Variants in MDM4 observed in about 807,000 individuals in gnomAD.
MDM4 encodes the protein MDM4 regulator of p53, also known as protein Mdm4.
MDM4 carries 2 observed loss-of-function variants against 60.2 expected under a neutral mutation model. The observed-to-expected ratio is 0.03, with a 90% CI of 0.01 to 0.10. The LOEUF is 0.10. Ranked by LOEUF, MDM4 falls within the 10% of genes least tolerant of loss-of-function variation. The pLI is 1.00. For missense variants in MDM4, 447 were observed against 577.5 expected (o/e 0.77, Z 2.32); for synonymous variants, 202 against 198.1 (o/e 1.02, Z -0.17).
In MDM4 at chr1:204,557,918, A is replaced by C. The variant is rs1474301278; in HGVS notation, c.*8236A>C. 2.1e-5 allele frequency: 3 copies of C among 140,398 alleles called. No individual in the cohort carries two copies. Among genetic ancestry groups the C allele is most frequent in the African/African-American group, 1.0e-4 (3 of 28,964 alleles). 8.7% of individuals were successfully genotyped at this position (140,398 alleles called of 1,614,324 possible). On this transcript the variant is annotated 3_prime_UTR_variant, in exon 11 of 11. Transcript: ENST00000367182. ...TCAGTCTTTCGCTAATAATAATAAT[A>C]ATAATAATAATAACAACAACTTATT...
rs2102455854 is a variant in MDM4, at chr1:204,549,294, G to A, written c.1085G>A (p.Cys362Tyr). ...AATGAAGGAAATGATGTCCCTGATT[G>A]TCGAAGAACCATTTCGGCTCCTGTC... ...KENEGNDVPD[C>Y]RRTISAPVVR... is the part of the protein sequence containing the mutation. The change falls in exon 11 of 11, where the codon TGT (cysteine) becomes TAT (tyrosine). Residue 362 changes from cysteine to tyrosine, a missense_variant. Around this residue, in one of 8 missense-constraint regions of MDM4, gnomAD observed 117 missense variants for 114.5 expected, o/e 1.02. Transcript: ENST00000367182. 1 of 1,614,172 alleles carries A rather than the reference G, an allele frequency of 6.2e-7. No homozygotes were observed. Among genetic ancestry groups the A allele is most frequent in the African/African-American group, 1.3e-5 (1 of 75,032 alleles).
chr1:204,534,564 T>C (rs1314087932), intron 5 of MDM4, among the ~76,000 whole-genome samples: 3 of 152,176 alleles, frequency 2.0e-5, no homozygotes, highest in African/African-American at 7.2e-5. Context: ...CTCGGCTCAC[T>C]GCAACCTCCG....
chr1:204,539,304 A>C (rs1375180160), intron 7 of MDM4, among the ~76,000 whole-genome samples: 1 of 151,958 alleles, frequency 6.6e-6, no homozygotes, highest in Non-Finnish European at 1.5e-5. Context: ...ACACATTTTG[A>C]AGTTTGCAAA....
intron 5 of MDM4, among the ~76,000 whole-genome samples, chr1:204,533,782 CT>C (rs59912938): frequency 1.1e-3 from 159 of 139,164 alleles, no homozygotes; most frequent in Non-Finnish European, 1.2e-3. Flanking sequence ...TTTTCTTTTT[CT>C]TTTTTTTTTT....
At chr1:204,548,101 TC>T (rs1392541457) in intron 10 of MDM4, among the ~76,000 whole-genome samples, 1 of 152,250 alleles carries the variant, frequency 6.6e-6, no homozygotes. Context: ...TTTCATCATA[TC>T]AAAGATGCCA....
intron 3 of MDM4, among the ~76,000 whole-genome samples, chr1:204,528,558 G>A (rs1250349752): frequency 6.6e-6 from 1 of 152,218 alleles, no homozygotes; most frequent in African/African-American, 2.4e-5. Flanking sequence ...AGAATCTCCT[G>A]CGTCTGGTGC....
chr1:204,547,131 C>G (rs1168122909), intron 10 of MDM4, among the ~76,000 whole-genome samples: 3 of 152,140 alleles, frequency 2.0e-5, no homozygotes, highest in African/African-American at 7.2e-5. Flanking sequence ...TGCCTTTCTC[C>G]CTGCCATCAA....
chr1:204,527,488 T>C (rs1029392285), intron 3 of MDM4, among the ~76,000 whole-genome samples: 1 of 152,082 alleles, frequency 6.6e-6, no homozygotes, highest in African/African-American at 2.4e-5. Context: ...ACCCCATCTC[T>C]ACTAAAAATA....
intron 3 of MDM4, among the ~76,000 whole-genome samples, chr1:204,528,089 TTTTA>T (rs1205490357): frequency 1.3e-5 from 2 of 151,890 alleles, no homozygotes; most frequent in Non-Finnish European, 2.9e-5. Flanking sequence ...TTTTTTTTTT[TTTTA>T]GTTTTATCCT....
chr1:204,540,318 C>T (rs1377331356), intron 7 of MDM4, among the ~76,000 whole-genome samples: 1 of 151,550 alleles, frequency 6.6e-6, no homozygotes, highest in Non-Finnish European at 1.5e-5. Flanking sequence ...TGGGTCCCAT[C>T]CCCAGGATAT....
At chr1:204,535,385 C>T (rs1355472116) in intron 5 of MDM4, among the ~76,000 whole-genome samples, 1 of 151,926 alleles carries the variant, frequency 6.6e-6, no homozygotes, top group African/African-American at 2.4e-5. Flanking sequence ...TCTCGATCTC[C>T]TGACCTCGTG....
chr1:204,525,671 A>T (rs984874844), intron 2 of MDM4, 75 bp downstream of exon 2: 2 of 989,326 alleles, frequency 2.0e-6, no homozygotes. Flanking sequence ...CTGTCTCATG[A>T]CTGTAATCCC....
At chr1:204,535,789 C>A (rs1230799519) in intron 5 of MDM4, among the ~76,000 whole-genome samples, 1 of 151,868 alleles carries the variant, frequency 6.6e-6, no homozygotes, top group Non-Finnish European at 1.5e-5. Context: ...GATCCACACA[C>A]CTCGACCTCC....
At chr1:204,518,544 G>A (rs1323868060) in intron 1 of MDM4, among the ~76,000 whole-genome samples, 1 of 152,168 alleles carries the variant, frequency 6.6e-6, no homozygotes. Context: ...ATACTTAATA[G>A]GTGTTGTGCT....
intron 6 of MDM4, 44 bp from the exon 7 acceptor site, chr1:204,538,165 C>T: frequency 9.5e-7 from 1 of 1,049,646 alleles, no homozygotes; most frequent in Non-Finnish European, 1.5e-6. Context: ...CCCCTGGTCT[C>T]AGTTATTTCT....
chr1:204,516,437 C>G lies in MDM4; in HGVS notation c.-108C>G, dbSNP rs1658972961. The G allele has an allele frequency of 6.6e-6, 1 of 152,274 alleles. No homozygotes were observed. The highest frequency in any genetic ancestry group is 2.1e-4 in the South Asian group (1 of 4,838). The allele number at this position is 152,274 out of a possible 1,614,324, so 9.4% of individuals were successfully genotyped here. On this transcript the variant is annotated 5_prime_UTR_variant, in exon 1 of 11. Transcript: ENST00000367182. Reference sequence around the variant, plus strand: ...CGCCATTTCAAAATGCTGCCGAGGCCCTAGGATCTGTGACTGCCACCCCTC... The same window carrying G: ...CGCCATTTCAAAATGCTGCCGAGGCGCTAGGATCTGTGACTGCCACCCCTC...
chr1:204,518,155 CAA>C (rs1263619416), intron 1 of MDM4, among the ~76,000 whole-genome samples: 1 of 151,930 alleles, frequency 6.6e-6, no homozygotes, highest in Non-Finnish European at 1.5e-5. Flanking sequence ...GAGCCTGTCT[CAA>C]AAAAAGAGAT....
chr1:204,549,771 G>C lies in MDM4; in HGVS notation c.*89G>C. 1 of 864,828 alleles carries C rather than the reference G, an allele frequency of 1.2e-6. No individual in the cohort carries two copies. The highest frequency in any genetic ancestry group is 1.7e-6 in the Non-Finnish European group (1 of 584,326). The allele number at this position is 864,828 out of a possible 1,614,324, so 53.6% of individuals were successfully genotyped here. ...CTTTATTTAATTTTATTTCCAACCTGTCAGAGAATGTTCTTAGGCATCAAA... is the reference window on the plus strand; with the variant it reads ...CTTTATTTAATTTTATTTCCAACCTCTCAGAGAATGTTCTTAGGCATCAAA... On this transcript the variant is annotated 3_prime_UTR_variant, in exon 11 of 11. Transcript: ENST00000367182.
chr1:204,531,376 G>T (rs574654704), intron 4 of MDM4, among the ~76,000 whole-genome samples: 1 of 152,294 alleles, frequency 6.6e-6, no homozygotes, highest in East Asian at 1.9e-4. Flanking sequence ...GATGAGCCTG[G>T]TAAGAATCAC....
Sources: allele counts gnomAD v4.1 joint callset (sites outside exome capture counted in the v4.1 genomes callset), GRCh38; gene constraint gnomAD v4.1.1; regional missense constraint gnomAD v4.1.1; transcripts MANE v1.5; gene names NCBI Gene and HGNC (gene_info 2026-07-23, HGNC 2026-07-21).